Variants in NFKBIE observed in about 807,000 individuals in gnomAD.
The protein encoded by NFKBIE is NFKB inhibitor epsilon.
In NFKBIE, 11 loss-of-function variants were observed where a neutral mutation model predicts 31.6. That is an observed-to-expected ratio of 0.35 (90% CI 0.22 to 0.58). The LOEUF (loss-of-function observed/expected upper bound fraction) is 0.58. Among genes scored for constraint, NFKBIE ranks in the 20% least tolerant of loss-of-function variants. The probability of loss-of-function intolerance (pLI) is 0.83; values close to 1 mark genes in which losing one functional copy is unlikely to be tolerated. For synonymous variants in NFKBIE, 208 were observed against 210.1 expected, an observed-to-expected ratio of 0.99 and a Z score of 0.09; for missense variants, 354 against 465.7, an observed-to-expected ratio of 0.76 and a Z score of 2.21.
chr6:44,261,921 G>A lies in NFKBIE; in HGVS notation c.469-73C>T, dbSNP rs1781937396. 2 of 1,363,150 alleles carry A rather than the reference G, an allele frequency of 1.5e-6. No homozygotes were observed. Among genetic ancestry groups the A allele is most frequent in the Non-Finnish European group, 2.0e-6 (2 of 989,512 alleles). The allele number at this position is 1,363,150 out of a possible 1,614,324, so 84.4% of individuals were successfully genotyped here. ...CCTCTGGGAACATGCTTGGGCTCAA[G>A]AATCACCAGCTGCCAGCATCTTCTT... On this transcript the variant is annotated intron_variant, in intron 2 of 5. Coordinates refer to ENST00000619360, the MANE Select transcript of NFKBIE (RefSeq NM_004556.3). This position sits in a 1 kb window ranked among gnomAD's most constrained non-coding sequence, Gnocchi z 4.3.
intron 2 of NFKBIE, among the ~76,000 whole-genome samples, 190 bp from the exon 3 acceptor site, chr6:44,262,038 G>A (rs1441248840): frequency 1.3e-5 from 2 of 152,094 alleles, no homozygotes; most frequent in Non-Finnish European, 2.9e-5. Flanking sequence ...CAAGCTCTTG[G>A]GATCCCAATT....
rs1293729013 is a variant in NFKBIE at position 44,258,955 on chromosome 6, C to T, written c.*264G>A. 1 of 332,814 alleles carries T rather than the reference C, an allele frequency of 3.0e-6. No individual in the cohort carries two copies. Among genetic ancestry groups the T allele is most frequent in the East Asian group, 5.6e-5 (1 of 17,744 alleles). 20.6% of individuals were successfully genotyped at this position (332,814 alleles called of 1,614,324 possible). A position where few individuals can be genotyped will look rare whatever the true frequency, so the allele number is the denominator to read the frequency against. On this transcript the variant is annotated 3_prime_UTR_variant, in exon 6 of 6. Transcript: ENST00000619360. ...ACCTGCCATTTTCAAGAGAGGCAAA[C>T]AGGCTTCACCCAGGATACCTGGGGC... is the stretch of plus-strand genomic sequence containing the variant.
chr6:44,261,648 G>A lies in NFKBIE; in HGVS notation c.669C>T (p.Asp223=). Residue 223 remains aspartate, a synonymous_variant, in exon 3 of 6, where the codon GAC becomes GAT. Transcript: ENST00000619360. The surrounding 1 kb of genome is among the most constrained non-coding windows in gnomAD (Gnocchi z 4.3). ...CACCTTGCCAGTTTTGCAGCTGGAG[G>A]TCCAGAGAGTGAGATGTTCCTCTGC... ...EPGRGTSHSL[D]LQLQNWQGLA... 1 of 1,614,218 alleles carries A rather than the reference G, an allele frequency of 6.2e-7. No homozygotes were observed. Among genetic ancestry groups the A allele is most frequent in the South Asian group, 1.1e-5 (1 of 91,078 alleles).
intron 2 of NFKBIE, 72 bp downstream of exon 2, chr6:44,262,488 C>T: frequency 7.6e-7 from 1 of 1,319,382 alleles, no homozygotes; most frequent in East Asian, 2.3e-5. Flanking sequence ...AGCCTTTGGA[C>T]TGGTATGGCT....
At chr6:44,262,999 T>C (rs28362187) in intron 1 of NFKBIE, among the ~76,000 whole-genome samples, 43 of 152,276 alleles carry the variant, frequency 2.8e-4, no homozygotes, top group African/African-American at 1.0e-3. Flanking sequence ...CAAAGCCAAA[T>C]TGAAAGCTGC....
In NFKBIE at chr6:44,263,920, G is replaced by A. The variant is rs184617114; in HGVS notation, c.365+1062C>T. The stretch of plus-strand genomic sequence containing the variant: ...TCAAAGGTCATCAGAGGTATCTTGC[G>A]TGCAGCCCCCAAAACCTTGGGGTTC... On this transcript the variant is annotated intron_variant, in intron 1 of 5. Transcript: ENST00000619360. This position sits in a 1 kb window ranked among gnomAD's most constrained non-coding sequence, Gnocchi z 5.0. Among the ~76,000 whole-genome samples the A allele has an allele frequency of 1.3e-5, 2 of 152,230 alleles. No individual in the cohort carries two copies. The highest frequency in any genetic ancestry group is 1.9e-4 in the East Asian group (1 of 5,184).
rs1781925665 is a variant in NFKBIE at position 44,261,683 on chromosome 6, G to A, written c.634C>T (p.Pro212Ser). The part of the protein sequence containing the change: ...ACARCLLEGR[P>S]EPGRGTSHSL... ...TGAGATGTTCCTCTGCCTGGCTCTG[G>A]CCGCCCTTCCAGCAGGCAGCGGGCA... Residue 212 changes from proline (P) to serine (S), a missense_variant, in exon 3 of 6, where the codon CCA becomes TCA. Transcript: ENST00000619360. The surrounding 1 kb of genome is among the most constrained non-coding windows in gnomAD (Gnocchi z 4.3). 1 of 1,614,090 alleles carries A rather than the reference G, an allele frequency of 6.2e-7. No individual in the cohort carries two copies. The highest frequency in any genetic ancestry group is 1.7e-5 in the Admixed American group (1 of 60,010).
chr6:44,258,633 G>A lies in NFKBIE; in HGVS notation c.*586C>T, dbSNP rs551772493. ...GTCACAGGGCAGGCCTGTCTAAAAA[G>A]CCCCAATGCACACAGACATGCATGC... On this transcript the variant is annotated 3_prime_UTR_variant, in exon 6 of 6. Coordinates refer to ENST00000619360, the MANE Select transcript of NFKBIE (RefSeq NM_004556.3). 26 of 152,868 alleles carry A rather than the reference G, an allele frequency of 1.7e-4. No individual in the cohort carries two copies. The South Asian group carries it at 5.1e-3, about 30-fold the overall frequency. The allele number at this position is 152,868 out of a possible 1,614,324, so 9.5% of individuals were successfully genotyped here.
Position 44,261,888 on chromosome 6 carries a change from T to C in NFKBIE, c.469-40A>G. 1 of 1,547,674 alleles carries C rather than the reference T, an allele frequency of 6.5e-7. No homozygotes were observed. ...AGAGGGTCATGGGGCCACTGCAGCA[T>C]GCTCCCACCTCTGGGAACATGCTTG... is the stretch of plus-strand genomic sequence containing the variant. On this transcript the variant is annotated intron_variant, in intron 2 of 5. Transcript: ENST00000619360. The surrounding 1 kb of genome is among the most constrained non-coding windows in gnomAD (Gnocchi z 4.3).
chr6:44,260,866 C>CACAG lies in NFKBIE; in HGVS notation c.692-328_692-327insCTGT, dbSNP rs1554142192. ...ACACACACACACACATACAGACACA[C>CACAG]ACACACACACACACACACACACACA... On this transcript the variant is annotated intron_variant, in intron 3 of 5. Transcript: ENST00000619360. The surrounding 1 kb of genome is among the most constrained non-coding windows in gnomAD (Gnocchi z 5.5). 8.9e-3 allele frequency among the ~76,000 whole-genome samples: 1,271 copies of CACAG among 142,888 alleles called. 9 individuals carry two copies. The highest frequency in any genetic ancestry group is 0.015 in the Middle Eastern group (4 of 274). 93.7% of individuals were successfully genotyped at this position (142,888 alleles called of 152,430 possible).
chr6:44,259,952 C>G, intron 5 of NFKBIE, 91 bp downstream of exon 5: 1 of 1,525,138 alleles, frequency 6.6e-7, no homozygotes, highest in Non-Finnish European at 8.9e-7. Flanking sequence ...TACCCCAGGA[C>G]TCCTGGCTCC....
Position 44,258,553 on chromosome 6 carries a change from G to C in NFKBIE, c.*666C>G, listed in dbSNP as rs1781764769. 1 of 152,496 alleles carries C rather than the reference G, an allele frequency of 6.6e-6. No homozygotes were observed. Among genetic ancestry groups the C allele is most frequent in the Non-Finnish European group, 1.5e-5 (1 of 68,326 alleles). 9.4% of individuals were successfully genotyped at this position (152,496 alleles called of 1,614,324 possible). ...AACTACTGGCCTCTGACCCCACCCA[G>C]CAAGGCCCTACCGTGCTCAGGGGAC... On this transcript the variant is annotated 3_prime_UTR_variant, in exon 6 of 6. Coordinates refer to ENST00000619360, the MANE Select transcript of NFKBIE (RefSeq NM_004556.3).
chr6:44,264,931 T>C (rs752047707), intron 1 of NFKBIE, 51 bp downstream of exon 1: 2 of 1,536,366 alleles, frequency 1.3e-6, no homozygotes, highest in South Asian at 2.4e-5. Context: ...GTTGCGGCTC[T>C]TGGGCAGGCC....
rs576225211 is a variant in NFKBIE, at chr6:44,259,212, C to T, written c.*7G>A. The T allele has an allele frequency of 6.2e-7, 1 of 1,613,072 alleles. No individual in the cohort carries two copies. The highest frequency in any genetic ancestry group is 1.3e-5 in the African/African-American group (1 of 74,970). Reference sequence around the variant, plus strand: ...GGAGCCCTGAGGATCCCAGACCCTGCCTGGCTTCAGTCGGTACACAGCAGC... The same window carrying T: ...GGAGCCCTGAGGATCCCAGACCCTGTCTGGCTTCAGTCGGTACACAGCAGC... On this transcript the variant is annotated 3_prime_UTR_variant, in exon 6 of 6. Transcript: ENST00000619360.
At position 44,261,928 on chromosome 6, in the gene NFKBIE, C is replaced by A; in HGVS notation, c.469-80G>T. The A allele has an allele frequency of 7.8e-7, 1 of 1,281,072 alleles. No individual in the cohort carries two copies. The highest frequency in any genetic ancestry group is 1.1e-6 in the Non-Finnish European group (1 of 919,198). The allele number at this position is 1,281,072 out of a possible 1,614,324, so 79.4% of individuals were successfully genotyped here. Reference sequence around the variant, plus strand: ...GAACATGCTTGGGCTCAAGAATCACCAGCTGCCAGCATCTTCTTTGAAAGC... The same window carrying A: ...GAACATGCTTGGGCTCAAGAATCACAAGCTGCCAGCATCTTCTTTGAAAGC... On this transcript the variant is annotated intron_variant, in intron 2 of 5. Transcript: ENST00000619360. This position sits in a 1 kb window ranked among gnomAD's most constrained non-coding sequence, Gnocchi z 4.3.
chr6:44,263,340 G>A lies in NFKBIE; in HGVS notation c.366-678C>T, dbSNP rs907907829. On this transcript the variant is annotated intron_variant, in intron 1 of 5. Coordinates refer to ENST00000619360, the MANE Select transcript of NFKBIE (RefSeq NM_004556.3). This position sits in a 1 kb window ranked among gnomAD's most constrained non-coding sequence, Gnocchi z 5.0. ...TGAGGGGGCCAAGAACCTTAATCTAGGGGTAATGGGGGCAGTTGGGAGGGG... is the reference window on the plus strand; with the variant it reads ...TGAGGGGGCCAAGAACCTTAATCTAAGGGTAATGGGGGCAGTTGGGAGGGG... 6.6e-6 allele frequency among the ~76,000 whole-genome samples: 1 copy of A among 152,150 alleles called. No individual in the cohort carries two copies. The highest frequency in any genetic ancestry group is 6.5e-5 in the Admixed American group (1 of 15,272).
rs1232743408 is a variant in NFKBIE, at chr6:44,265,483, G to A, written c.-137C>T. On this transcript the variant is annotated 5_prime_UTR_variant, in exon 1 of 6. Transcript: ENST00000619360. ...CGGCGGCCTCCTTCCCGGGCTGTGG[G>A]GCTCCGAGGGGCCGGCGCGCAGCGA... 2 of 1,528,598 alleles carry A rather than the reference G, an allele frequency of 1.3e-6. No homozygotes were observed. Among genetic ancestry groups the A allele is most frequent in the Middle Eastern group, 2.1e-4 (1 of 4,702 alleles). The allele number at this position is 1,528,598 out of a possible 1,614,324, so 94.7% of individuals were successfully genotyped here.
chr6:44,260,132 T>C lies in NFKBIE; in HGVS notation c.931A>G (p.Met311Val). The change falls in exon 5 of 6, where the codon ATG becomes GTG. Residue 311 changes from methionine (M) to valine (V), a missense_variant. By Grantham distance (21) the Met-to-Val change is conservative (BLOSUM62 1). Coordinates refer to ENST00000619360, the MANE Select transcript of NFKBIE (RefSeq NM_004556.3). This position sits in a 1 kb window ranked among gnomAD's most constrained non-coding sequence, Gnocchi z 5.5. ...TTGCACAGAGTGGATGAGATGCCCA[T>C]GAGACCCCGGCCAGCTGCCAGGTGC... is the stretch of plus-strand genomic sequence containing the variant. Reference protein sequence around the residue: ...PLHLAAGRGLMGISSTLCKAG... With the variant: ...PLHLAAGRGLVGISSTLCKAG... 2 of 1,614,214 alleles carry C rather than the reference T, an allele frequency of 1.2e-6. No homozygotes were observed. The highest frequency in any genetic ancestry group is 1.1e-5 in the South Asian group (1 of 91,084).
intron 5 of NFKBIE, 77 bp from the exon 6 acceptor site, chr6:44,259,361 C>G: frequency 9.4e-7 from 1 of 1,065,592 alleles, no homozygotes; most frequent in Admixed American, 1.7e-5. Flanking sequence ...CCAGGGAAAC[C>G]TGTTGGGCCA....
Sources: gnomAD v4.1 joint callset for allele counts (sites outside exome capture counted in the v4.1 genomes callset) on GRCh38, gnomAD v4.1.1 for gene constraint, Gnocchi (gnomAD v3.1) non-coding constraint, MANE v1.5 for transcripts, NCBI Gene and HGNC (gene_info 2026-07-23, HGNC 2026-07-21) for gene names.